Variants in WWOX observed in about 807,000 individuals in gnomAD.
WWOX encodes WW domain-containing oxidoreductase.
Under a neutral mutation model 46.2 loss-of-function variants are expected in WWOX, and 69 were observed. The ratio of observed to expected loss-of-function variants is 1.49; its 90% CI spans 1.23 to 1.82. WWOX has a LOEUF of 1.82. WWOX is among the 40% of genes most tolerant of loss of function. The pLI is 0.00. For missense variants in WWOX, 919 were observed against 542.6 expected (o/e 1.69, Z -6.89); for synonymous variants, 359 against 202.6 (o/e 1.77, Z -6.56).
chr16:78,884,426 T>G (rs1025699689), intron 8 of WWOX, among the ~76,000 whole-genome samples: 1 of 151,966 alleles, frequency 6.6e-6, no homozygotes, highest in Non-Finnish European at 1.5e-5. Flanking sequence ...ACTCAAGACA[T>G]CTGGTAAACC....
At chr16:78,800,967 G>C (rs544254947) in intron 8 of WWOX, among the ~76,000 whole-genome samples, 8 of 151,520 alleles carry the variant, frequency 5.3e-5, no homozygotes, top group Non-Finnish European at 1.0e-4. Context: ...AAAAAAGTGA[G>C]CATAAATGCA....
intron 5 of WWOX, among the ~76,000 whole-genome samples, chr16:78,173,038 C>G (rs924860070): frequency 1.3e-5 from 2 of 152,202 alleles, no homozygotes; most frequent in Admixed American, 6.5e-5. Context: ...GGTGATAAAA[C>G]TTCCCTACGC....
intron 8 of WWOX, among the ~76,000 whole-genome samples, chr16:78,504,280 A>AGG (rs1262333564): frequency 4.6e-5 from 7 of 152,204 alleles, no homozygotes; most frequent in African/African-American, 1.7e-4. Flanking sequence ...GTATCCCTGA[A>AGG]GGGGGAAAAG....
intron 8 of WWOX, among the ~76,000 whole-genome samples, chr16:78,993,163 G>A (rs2046921432): frequency 6.6e-6 from 1 of 151,722 alleles, no homozygotes; most frequent in African/African-American, 2.4e-5. Context: ...TAATTGCAGA[G>A]AGATACTGAG....
rs148888904 is a variant in WWOX at position 78,738,154 on chromosome 16, C to T, written c.1056+305402C>T. On this transcript the variant is annotated intron_variant, in intron 8 of 8. Coordinates refer to ENST00000566780, the MANE Select transcript of WWOX (RefSeq NM_016373.4). ...TAGGTAAAGTGACATTTTTTAAGCC[C>T]TTGTGTGTGTCCGACTCATAAAAGT... Among the ~76,000 whole-genome samples, 11 of 152,178 alleles carry T rather than the reference C, an allele frequency of 7.2e-5. No homozygotes were observed. The East Asian group carries it at 1.4e-3, about 19-fold the overall frequency.
chr16:79,155,664 C>G (rs1004492497), intron 8 of WWOX, among the ~76,000 whole-genome samples: 1 of 152,036 alleles, frequency 6.6e-6, no homozygotes, highest in Non-Finnish European at 1.5e-5. Context: ...GGATTGTGTA[C>G]AAAGTGCAGA....
At chr16:78,382,174 G>A (rs2081968711) in intron 5 of WWOX, among the ~76,000 whole-genome samples, 1 of 152,174 alleles carries the variant, frequency 6.6e-6, no homozygotes, top group Non-Finnish European at 1.5e-5. Context: ...AGTTGTTGTT[G>A]TTCCTCACTT....
At chr16:79,152,402 T>C (rs1342015180) in intron 8 of WWOX, among the ~76,000 whole-genome samples, 1 of 152,062 alleles carries the variant, frequency 6.6e-6, no homozygotes, top group East Asian at 1.9e-4. Context: ...CCGGGCGCAG[T>C]GTCTCATGCC....
chr16:78,884,114 AC>A (rs1336466612), intron 8 of WWOX, among the ~76,000 whole-genome samples: 2 of 151,890 alleles, frequency 1.3e-5, no homozygotes, highest in African/African-American at 4.8e-5. Context: ...CCCTGTCTCT[AC>A]AAAAATATTA....
chr16:79,141,975 T>C (rs888650809), intron 8 of WWOX, among the ~76,000 whole-genome samples: 2 of 152,196 alleles, frequency 1.3e-5, no homozygotes, highest in African/African-American at 4.8e-5. Context: ...AGGGAGGAGA[T>C]GTCTACACGG....
At chr16:79,040,263 C>T (rs888047202) in intron 8 of WWOX, among the ~76,000 whole-genome samples, 3 of 141,016 alleles carry the variant, frequency 2.1e-5, no homozygotes, top group Admixed American at 7.6e-5. Flanking sequence ...TCAGTTCATT[C>T]TTTCTGAGTT....
rs370936050 is a variant in WWOX at position 78,581,913 on chromosome 16, T to G, written c.1056+149161T>G. On this transcript the variant is annotated intron_variant, in intron 8 of 8. Coordinates refer to ENST00000566780, the MANE Select transcript of WWOX (RefSeq NM_016373.4). Reference sequence around the variant, plus strand: ...AAAATGTGTGGTCTCGAGATGACCTTAAAGTATCTGACCCCCAAATCTAAT... The same window carrying G: ...AAAATGTGTGGTCTCGAGATGACCTGAAAGTATCTGACCCCCAAATCTAAT... 2.6e-5 allele frequency among the ~76,000 whole-genome samples: 4 copies of G among 152,214 alleles called. No individual in the cohort carries two copies. The East Asian group carries it at 5.8e-4, about 22-fold the overall frequency.
chr16:79,076,076 G>C (rs1272183193), intron 8 of WWOX, among the ~76,000 whole-genome samples: 1 of 152,178 alleles, frequency 6.6e-6, no homozygotes, highest in African/African-American at 2.4e-5. Context: ...TTGTTACTTA[G>C]AAGATTTGAG....
chr16:78,797,794 T>C (rs1202154698), intron 8 of WWOX, among the ~76,000 whole-genome samples: 1 of 152,050 alleles, frequency 6.6e-6, no homozygotes, highest in East Asian at 1.9e-4. Context: ...TCGAGAACAG[T>C]CTGGGCAACA....
chr16:79,041,292 C>T (rs552695591), intron 8 of WWOX, among the ~76,000 whole-genome samples: 1 of 152,276 alleles, frequency 6.6e-6, no homozygotes, highest in East Asian at 1.9e-4. Context: ...CCCTGTCACC[C>T]CTCCCGCTTG....
In WWOX at chr16:78,786,890, G is replaced by A. The variant is rs569207700; in HGVS notation, c.1056+354138G>A. ...GGGCTGGGCGTGGTGACTCACGCCT[G>A]TAATCCCAACACTTTGGGAGGCTGA... On this transcript the variant is annotated intron_variant, in intron 8 of 8. Transcript: ENST00000566780. Among the ~76,000 whole-genome samples, 10 of 152,324 alleles carry A rather than the reference G, an allele frequency of 6.6e-5. No homozygotes were observed. In the South Asian group the frequency reaches 1.9e-3, roughly 28 times the overall value.
At chr16:78,527,137 T>C (rs2043489827) in intron 8 of WWOX, among the ~76,000 whole-genome samples, 1 of 152,008 alleles carries the variant, frequency 6.6e-6, no homozygotes, top group South Asian at 2.1e-4. Flanking sequence ...CACTCCAGCC[T>C]GGGCAAAAAG....
At chr16:78,975,872 C>T (rs1012449805) in intron 8 of WWOX, among the ~76,000 whole-genome samples, 2 of 152,152 alleles carry the variant, frequency 1.3e-5, no homozygotes, top group African/African-American at 4.8e-5. Context: ...CCATTAGGAC[C>T]AAACCTCTTC....
intron 8 of WWOX, among the ~76,000 whole-genome samples, chr16:78,994,685 C>T (rs1470527129): frequency 1.3e-5 from 2 of 152,064 alleles, no homozygotes; most frequent in African/African-American, 2.4e-5. Context: ...CTGTAATAGA[C>T]AGTGGGGGGT....
Sources: allele counts gnomAD v4.1 joint callset (sites outside exome capture counted in the v4.1 genomes callset), GRCh38; gene constraint gnomAD v4.1.1; transcripts MANE v1.5; gene names NCBI Gene and HGNC (gene_info 2026-07-23, HGNC 2026-07-21).